Variants in ARNT2 observed in about 807,000 individuals in gnomAD.
The protein encoded by ARNT2 is ARNT protein 2.
In ARNT2, 36 loss-of-function variants were observed where a neutral mutation model predicts 91.7. The ratio of observed to expected loss-of-function variants is 0.39; its 90% confidence interval spans 0.30 to 0.52. ARNT2 has a LOEUF of 0.52. Among genes scored for constraint, ARNT2 ranks in the 20% least tolerant of loss-of-function variants. The pLI, the probability that ARNT2 is intolerant of heterozygous loss-of-function variation, is 0.72. For missense variants in ARNT2, 775 were observed against 939.3 expected, an observed-to-expected ratio of 0.83 and a Z score of 2.29; for synonymous variants, 365 against 347.1, an observed-to-expected ratio of 1.05 and a Z score of -0.57.
At chr15:80,453,477 G>T (rs959628529) in intron 2 of ARNT2, among the ~76,000 whole-genome samples, 1 of 152,168 alleles carries the variant, frequency 6.6e-6, no homozygotes, top group African/African-American at 2.4e-5. Flanking sequence ...TTACAGGGCC[G>T]TTTCCATAGT....
chr15:80,466,958 T>C (rs1035184659), intron 3 of ARNT2, among the ~76,000 whole-genome samples: 2 of 152,210 alleles, frequency 1.3e-5, no homozygotes, highest in Non-Finnish European at 2.9e-5. Context: ...AGATTCCCCA[T>C]ATGAAGATTT....
intron 8 of ARNT2, among the ~76,000 whole-genome samples, chr15:80,516,338 C>T (rs1242101915): frequency 6.6e-6 from 1 of 152,004 alleles, no homozygotes; most frequent in Non-Finnish European, 1.5e-5. Flanking sequence ...CCTTGTAGGT[C>T]TTTTTTTGCG....
chr15:80,447,748 T>C (rs1003944204), intron 1 of ARNT2, among the ~76,000 whole-genome samples: 1 of 152,222 alleles, frequency 6.6e-6, no homozygotes, highest in Non-Finnish European at 1.5e-5. Context: ...TTTTTCACTT[T>C]TGTTTGAATT....
chr15:80,545,952 C>T (rs984831478), intron 8 of ARNT2, among the ~76,000 whole-genome samples: 4 of 152,154 alleles, frequency 2.6e-5, no homozygotes, highest in African/African-American at 9.7e-5. Flanking sequence ...AGCTAGTATA[C>T]CGTCTTCCAC....
intron 8 of ARNT2, among the ~76,000 whole-genome samples, chr15:80,540,879 T>G (rs948315722): frequency 6.6e-5 from 10 of 152,324 alleles, no homozygotes; most frequent in Admixed American, 3.3e-4. Flanking sequence ...TACCACATTT[T>G]CTTTATCTGG....
chr15:80,457,607 C>T (rs1400302880), intron 2 of ARNT2, among the ~76,000 whole-genome samples: 1 of 152,200 alleles, frequency 6.6e-6, no homozygotes, highest in Non-Finnish European at 1.5e-5. Flanking sequence ...AGACACCTTT[C>T]CATCATAGCC....
At chr15:80,479,980 C>G (rs1896861896) in intron 5 of ARNT2, among the ~76,000 whole-genome samples, 1 of 152,074 alleles carries the variant, frequency 6.6e-6, no homozygotes, top group African/African-American at 2.4e-5. Context: ...CACTGGCTGG[C>G]TCAGGAGAGC....
intron 10 of ARNT2, among the ~76,000 whole-genome samples, chr15:80,553,912 A>AG (rs1394808879): frequency 1.3e-5 from 2 of 152,186 alleles, no homozygotes; most frequent in African/African-American, 4.8e-5. Flanking sequence ...GATGAAATAA[A>AG]GGGAGAAATT....
chr15:80,467,840 A>G (rs1449936449), intron 3 of ARNT2, among the ~76,000 whole-genome samples: 2 of 152,048 alleles, frequency 1.3e-5, no homozygotes, highest in Non-Finnish European at 2.9e-5. Flanking sequence ...AATGCAGGAG[A>G]CGTTGGTGAA....
intron 17 of ARNT2, among the ~76,000 whole-genome samples, chr15:80,583,201 G>T (rs1416295699): frequency 1.3e-5 from 2 of 152,240 alleles, no homozygotes; most frequent in South Asian, 4.1e-4. Flanking sequence ...GGCCCTTGTG[G>T]CTGCAGGCCA....
chr15:80,593,264 T>A (rs1030120598), intron 18 of ARNT2, among the ~76,000 whole-genome samples: 7 of 152,246 alleles, frequency 4.6e-5, no homozygotes, highest in African/African-American at 1.7e-4. Context: ...CCATCTGCTA[T>A]CTGTTAGGTG....
chr15:80,445,218 TGA>T (rs1896278056), intron 1 of ARNT2: 1 of 147,774 alleles, frequency 6.8e-6, no homozygotes, highest in Non-Finnish European at 1.5e-5. Context: ...GTATGTGTGT[TGA>T]GAGTGGTGTG....
intron 1 of ARNT2, among the ~76,000 whole-genome samples, chr15:80,441,901 G>C (rs1273026387): frequency 1.3e-5 from 2 of 152,184 alleles, no homozygotes; most frequent in African/African-American, 4.8e-5. Context: ...TTCCAACTTT[G>C]CCTAAGAGCA....
chr15:80,420,546 A>G (rs1357034285), intron 1 of ARNT2, among the ~76,000 whole-genome samples: 1 of 152,040 alleles, frequency 6.6e-6, no homozygotes, highest in African/African-American at 2.4e-5. Context: ...TTGAAATGTA[A>G]CCCCATCAGA....
chr15:80,458,146 C>A (rs1399711466), intron 3 of ARNT2, among the ~76,000 whole-genome samples, 170 bp downstream of exon 3: 1 of 152,048 alleles, frequency 6.6e-6, no homozygotes, highest in African/African-American at 2.4e-5. Flanking sequence ...CTATTAGCGA[C>A]CCTGCCACAT....
chr15:80,440,304 A>T (rs1320206399), intron 1 of ARNT2, among the ~76,000 whole-genome samples: 1 of 152,182 alleles, frequency 6.6e-6, no homozygotes, highest in African/African-American at 2.4e-5. Context: ...GGCAGGTTGA[A>T]TGGGTCACTC....
intron 1 of ARNT2, among the ~76,000 whole-genome samples, chr15:80,409,965 G>A (rs556198037): frequency 2.0e-5 from 3 of 152,256 alleles, no homozygotes; most frequent in Admixed American, 1.3e-4. Context: ...GCCAGCTCAC[G>A]GGGGACCACT....
At chr15:80,461,924 AC>A (rs1362122232) in intron 3 of ARNT2, among the ~76,000 whole-genome samples, 1 of 152,040 alleles carries the variant, frequency 6.6e-6, no homozygotes, top group East Asian at 1.9e-4. Flanking sequence ...GTGGTGATAA[AC>A]CCTGTGTCTT....
Position 80,459,821 on chromosome 15 carries a change from T to C in ARNT2, c.194+1845T>C, listed in dbSNP as rs537827497. Among the ~76,000 whole-genome samples, 13 of 152,330 alleles carry C rather than the reference T, an allele frequency of 8.5e-5. 1 individual carries two copies. The South Asian group carries it at 1.7e-3, about 19-fold the overall frequency. ...GAAGATAGGATGTGTTTCCAGCATA[T>C]GCTGTTACTAATAGGAATGAGTTTG... is the stretch of plus-strand genomic sequence containing the variant. On this transcript the variant is annotated intron_variant, in intron 3 of 18. Transcript: ENST00000303329.
Sources: gnomAD v4.1 joint callset for allele counts (sites outside exome capture counted in the v4.1 genomes callset) on GRCh38, gnomAD v4.1.1 for gene constraint, MANE v1.5 for transcripts, NCBI Gene and HGNC (gene_info 2026-07-23, HGNC 2026-07-21) for gene names.